CCDC141: variants seen among roughly 807,000 people sequenced by gnomAD.
The protein encoded by CCDC141 is coiled-coil domain-containing protein 141.
Under a neutral mutation model 181.0 loss-of-function variants are expected in CCDC141, and 168 were observed. That is an observed-to-expected ratio of 0.93 (90% CI 0.82 to 1.05). CCDC141 has a LOEUF of 1.05. CCDC141 is among the 50% of genes least tolerant of loss of function. CCDC141 has a pLI of 0.00. For synonymous variants in CCDC141, 666 were observed against 642.3 expected (o/e 1.04, Z -0.56); for missense variants, 1,902 against 1,788.5 (o/e 1.06, Z -1.14).
chr2:178,868,137 ATGGGC>A lies in CCDC141; in HGVS notation c.2458_2462del (p.Ala820Ter). The A allele has an allele frequency of 6.2e-7, 1 of 1,614,076 alleles. No individual in the cohort carries two copies. The highest frequency in any genetic ancestry group is 8.5e-7 in the Non-Finnish European group (1 of 1,179,946). The stretch of plus-strand genomic sequence containing the variant: ...AGCACCGGAGGTGAATCTGCACATC[ATGGGC>A]ATCACCCAGTTCCTTCGGCTGCTCT... On this transcript the variant is annotated frameshift_variant, in exon 16 of 24. Transcript: ENST00000443758. LOFTEE classifies it high-confidence loss of function.
At chr2:178,906,210 T>C (rs960757858) in intron 7 of CCDC141, among the ~76,000 whole-genome samples, 3 of 152,226 alleles carry the variant, frequency 2.0e-5, no homozygotes, top group Admixed American at 6.5e-5. Context: ...AATTCCTTTA[T>C]TTTCTTCCTT....
At position 178,867,929 on chromosome 2, in the gene CCDC141, T is replaced by A. The variant is rs938482294; in HGVS notation, c.2574+97A>T. The A allele has an allele frequency of 1.6e-5, 15 of 962,360 alleles. No individual in the cohort carries two copies. In the Middle Eastern group the frequency reaches 1.0e-3, roughly 67 times the overall value. 59.6% of individuals were successfully genotyped at this position (962,360 alleles called of 1,614,324 possible). A position where few individuals can be genotyped will look rare whatever the true frequency, so the allele number is the denominator to read the frequency against. On this transcript the variant is annotated intron_variant, in intron 16 of 23. Coordinates refer to ENST00000443758, the MANE Select transcript of CCDC141 (RefSeq NM_173648.4). ...CCCAATGGTTTAGTTTATTTTTAAA[T>A]TTAACATATACTAAGCAATCTGCCT...
chr2:178,898,583 C>T (rs1406316091), intron 8 of CCDC141, among the ~76,000 whole-genome samples: 1 of 152,108 alleles, frequency 6.6e-6, no homozygotes, highest in Non-Finnish European at 1.5e-5. Flanking sequence ...CTTGGAATTA[C>T]CATCAGATTA....
intron 2 of CCDC141, among the ~76,000 whole-genome samples, chr2:178,998,512 C>G (rs1019908646): frequency 2.0e-5 from 3 of 152,106 alleles, no homozygotes; most frequent in Admixed American, 6.5e-5. Flanking sequence ...CTATCCACTT[C>G]TCTACTCACT....
chr2:178,960,681 T>TG (rs1690360521), intron 5 of CCDC141, among the ~76,000 whole-genome samples: 1 of 152,182 alleles, frequency 6.6e-6, no homozygotes, highest in African/African-American at 2.4e-5. Context: ...GCCTGCAGCC[T>TG]GGGTAATGAG....
chr2:178,918,998 C>A, intron 6 of CCDC141, 91 bp from the exon 7 acceptor site: 7 of 1,159,634 alleles, frequency 6.0e-6, no homozygotes, highest in Non-Finnish European at 7.2e-6. Flanking sequence ...TGAAATCTAA[C>A]CCCCAAGGTG....
chr2:178,851,419 T>G (rs1487549353), intron 20 of CCDC141, among the ~76,000 whole-genome samples: 1 of 152,070 alleles, frequency 6.6e-6, no homozygotes, highest in Admixed American at 6.6e-5. Context: ...GGAAATGAGA[T>G]CTTTAAAGAG....
chr2:178,939,252 C>T (rs1259636981), intron 6 of CCDC141, among the ~76,000 whole-genome samples: 1 of 152,112 alleles, frequency 6.6e-6, no homozygotes, highest in African/African-American at 2.4e-5. Context: ...TTTAAGAAAA[C>T]CTTCCATAAT....
chr2:178,824,889 A>G (rs1269414305), downstream of CCDC141, among the ~76,000 whole-genome samples: 1 of 152,160 alleles, frequency 6.6e-6, no homozygotes, highest in African/African-American at 2.4e-5. Context: ...TACTGTTTAT[A>G]CTACTATATT....
In CCDC141 at chr2:178,868,090, A is replaced by T; in HGVS notation, c.2510T>A (p.Val837Glu). ...LRCSQEKQAR[V>E]DHLHRLALSL... is the part of the protein sequence containing the mutation. ...AAGGGCCAGTCTGTGGAGATGGTCT[A>T]CACGGGCTTGCTTTTCCTGAGAGCA... The change falls in exon 16 of 24, where the codon GTA becomes GAA. Residue 837 changes from valine (V) to glutamate (E), a missense_variant. Coordinates refer to ENST00000443758, the MANE Select transcript of CCDC141 (RefSeq NM_173648.4). 1 of 1,614,058 alleles carries T rather than the reference A, an allele frequency of 6.2e-7. No homozygotes were observed. Among genetic ancestry groups the T allele is most frequent in the South Asian group, 1.1e-5 (1 of 91,082 alleles).
At chr2:179,045,412 T>G (rs1222401255) in intron 2 of CCDC141, among the ~76,000 whole-genome samples, 1 of 151,610 alleles carries the variant, frequency 6.6e-6, no homozygotes, top group Non-Finnish European at 1.5e-5. Context: ...TAGTCTATCA[T>G]TGTTGGACAT....
At chr2:178,966,478 G>A (rs983917099) in intron 4 of CCDC141, among the ~76,000 whole-genome samples, 1 of 152,138 alleles carries the variant, frequency 6.6e-6, no homozygotes, top group African/African-American at 2.4e-5. Flanking sequence ...AGGCACACAG[G>A]GTCAGGAGTG....
At chr2:178,903,514 C>T (rs1036688919) in intron 8 of CCDC141, among the ~76,000 whole-genome samples, 3 of 148,406 alleles carry the variant, frequency 2.0e-5, no homozygotes. Context: ...GAACAAAAAA[C>T]CAAACACCGC....
chr2:179,041,951 C>G (rs76483992), intron 2 of CCDC141, among the ~76,000 whole-genome samples: 6,756 of 152,210 alleles, frequency 0.044, 167 homozygotes, highest in African/African-American at 0.063. Flanking sequence ...TTAGATCCCC[C>G]ACACAATAGT....
intron 2 of CCDC141, among the ~76,000 whole-genome samples, chr2:179,015,487 CAT>C (rs1469440529): frequency 1.5e-5 from 1 of 64,590 alleles, no homozygotes; most frequent in African/African-American, 4.6e-5. Context: ...CCATATATAT[CAT>C]ATATGTGCCA....
downstream of CCDC141, among the ~76,000 whole-genome samples, chr2:178,824,764 A>G (rs1684094397): frequency 6.6e-6 from 1 of 152,086 alleles, no homozygotes. Flanking sequence ...TGGGTTCTCA[A>G]AGTAAATCAG....
chr2:178,989,261 A>T (rs1691909701), intron 2 of CCDC141, among the ~76,000 whole-genome samples: 1 of 152,174 alleles, frequency 6.6e-6, no homozygotes, highest in South Asian at 2.1e-4. Flanking sequence ...TCTGATAAGC[A>T]TCTAGTATTC....
chr2:178,845,218 T>G (rs568077621), intron 22 of CCDC141, among the ~76,000 whole-genome samples: 10 of 152,272 alleles, frequency 6.6e-5, no homozygotes, highest in African/African-American at 2.2e-4. Context: ...TGCTAATGGG[T>G]TGTGTAAAAC....
At chr2:178,856,517 T>C (rs1685394849) in intron 17 of CCDC141, 120 bp from the exon 18 acceptor site, 4 of 645,394 alleles carry the variant, frequency 6.2e-6, no homozygotes, top group East Asian at 2.9e-5. Context: ...GTATTTAGGG[T>C]AATTTTCCCT....
Sources: allele counts gnomAD v4.1 joint callset (sites outside exome capture counted in the v4.1 genomes callset), GRCh38; gene constraint gnomAD v4.1.1; transcripts MANE v1.5; gene names NCBI Gene and HGNC (gene_info 2026-07-23, HGNC 2026-07-21).